FRG1: variants seen among roughly 807,000 people sequenced by gnomAD.
FRG1 encodes the protein FSHD region gene 1, also known as protein FRG1.
Under a neutral mutation model 37.0 loss-of-function variants are expected in FRG1, and 19 were observed. The observed-to-expected ratio is 0.51, with a 90% CI of 0.36 to 0.75. FRG1 has a LOEUF of 0.75. FRG1 is among the 30% of genes least tolerant of loss of function. The pLI is 0.00. For synonymous variants in FRG1, 73 were observed against 96.5 expected (o/e 0.76, Z 1.43); for missense variants, 243 against 301.4 (o/e 0.81, Z 1.44).
chr4:189,945,541 A>T (rs1736492036), intron 2 of FRG1, among the ~76,000 whole-genome samples: 1 of 152,126 alleles, frequency 6.6e-6, no homozygotes, highest in Non-Finnish European at 1.5e-5. Flanking sequence ...AGTGGATTAT[A>T]TTGGTTTCAT....
intron 2 of FRG1, among the ~76,000 whole-genome samples, chr4:189,948,412 A>G: frequency 6.6e-6 from 1 of 152,198 alleles, no homozygotes; most frequent in Non-Finnish European, 1.5e-5. Context: ...TATTTTATTT[A>G]CCCAGGAACT....
rs777890975 is a variant in FRG1, at chr4:189,943,225, A to C, written c.86A>C (p.Lys29Thr). The C allele has an allele frequency of 4.4e-6, 7 of 1,605,210 alleles. No homozygotes were observed. The highest frequency in any genetic ancestry group is 6.0e-6 in the Non-Finnish European group (7 of 1,174,252). Residue 29 changes from lysine to threonine, a missense_variant, in exon 2 of 9, where the codon AAG becomes ACG. Physicochemically the swap from Lys to Thr is moderately conservative, Grantham distance 78. Transcript: ENST00000226798. ...AGTAAGAAGAAAAAGAGCAAAGATA[A>C]GAAAAGAAAAAGAGAAGAAGATGAA... is the stretch of plus-strand genomic sequence containing the variant. ...TKSKKKKSKD[K>T]KRKREEDEET...
intron 8 of FRG1, among the ~76,000 whole-genome samples, chr4:189,962,747 C>T (rs1330094682): frequency 2.4e-4 from 36 of 152,258 alleles, no homozygotes; most frequent in Middle Eastern, 3.4e-3. Flanking sequence ...GACTCTAAAA[C>T]GGAATAAGCT....
At chr4:189,962,280 TTAAAA>T (rs1737269558) in intron 8 of FRG1, among the ~76,000 whole-genome samples, 1 of 152,164 alleles carries the variant, frequency 6.6e-6, no homozygotes, top group African/African-American at 2.4e-5. Flanking sequence ...TTCAGGTTCC[TTAAAA>T]TAAGAATAGA....
At chr4:189,953,883 A>G (rs547177546) in intron 4 of FRG1, among the ~76,000 whole-genome samples, 4,487 of 152,280 alleles carry the variant, frequency 0.029, 78 homozygotes, top group Middle Eastern at 0.048. Context: ...AAACTGCTTT[A>G]CAATTATAAA....
rs1425095389 is a variant in FRG1, at chr4:189,940,881, A to G, written c.-129A>G. 1.5e-6 allele frequency: 1 copy of G among 657,168 alleles called. No individual in the cohort carries two copies. Among genetic ancestry groups the G allele is most frequent in the Non-Finnish European group, 2.7e-6 (1 of 373,400 alleles). 40.7% of individuals were successfully genotyped at this position (657,168 alleles called of 1,614,324 possible). ...GGGTGAAGACGGAGGCGGGTTCTAC[A>G]GAGACGTAGGCTGTCAGGGAGTGTT... On this transcript the variant is annotated 5_prime_UTR_variant, in exon 1 of 9. Coordinates refer to ENST00000226798, the MANE Select transcript of FRG1 (RefSeq NM_004477.3).
rs1736391610 is a variant in FRG1, at chr4:189,943,201, G to T, written c.63-1G>T. The T allele has an allele frequency of 1.3e-6, 2 of 1,585,910 alleles. No individual in the cohort carries two copies. The highest frequency in any genetic ancestry group is 1.4e-5 in the African/African-American group (1 of 74,008). On this transcript the variant is annotated splice_acceptor_variant, in intron 1 of 8. Transcript: ENST00000226798. LOFTEE classifies it high-confidence loss of function. ...TCGTCTATATAAATTATGTCCTGTA[G>T]TAAGAAGAAAAAGAGCAAAGATAAG...
rs569125428 is a variant in FRG1 at position 189,944,612 on chromosome 4, A to C, written c.133+1340A>C. 1.7e-4 allele frequency among the ~76,000 whole-genome samples: 24 copies of C among 137,582 alleles called. No homozygotes were observed. The South Asian group carries it at 4.0e-3, about 23-fold the overall frequency. The allele number at this position is 137,582 out of a possible 152,430, so 90.3% of individuals were successfully genotyped here. A position where few individuals can be genotyped will look rare whatever the true frequency, so the allele number is the denominator to read the frequency against. On this transcript the variant is annotated intron_variant, in intron 2 of 8. Transcript: ENST00000226798. Reference sequence around the variant, plus strand: ...TGTTGTGAGTTCGGTTTCAAGATTTACTTTTTTTTTTTAAACATCTTGATA... The same window carrying C: ...TGTTGTGAGTTCGGTTTCAAGATTTCCTTTTTTTTTTTAAACATCTTGATA...
At chr4:189,959,990 G>A in intron 6 of FRG1, 1 of 679,292 alleles carries the variant, frequency 1.5e-6, no homozygotes, top group Non-Finnish European at 1.8e-6. Flanking sequence ...CTTACTAAAG[G>A]TAGCCTTGTG....
At chr4:189,954,943 G>A (rs1029045520) in intron 4 of FRG1, 94 bp from the exon 5 acceptor site, 1 of 725,514 alleles carries the variant, frequency 1.4e-6, no homozygotes, top group Non-Finnish European at 2.4e-6. Context: ...TTTTAGATAT[G>A]TACACAGCCA....
intron 2 of FRG1, among the ~76,000 whole-genome samples, chr4:189,949,154 G>T (rs1162289934): frequency 1.3e-5 from 2 of 152,134 alleles, no homozygotes; most frequent in East Asian, 3.9e-4. Flanking sequence ...TTCAGCTTGG[G>T]CATCTGCACC....
intron 2 of FRG1, 37 bp from the exon 3 acceptor site, chr4:189,952,125 T>G: frequency 6.1e-6 from 9 of 1,470,392 alleles, no homozygotes; most frequent in Non-Finnish European, 8.3e-6. Context: ...GTGTCAAAAC[T>G]AAAATATAAA....
intron 4 of FRG1, 111 bp downstream of exon 4, chr4:189,953,236 A>T: frequency 7.2e-7 from 1 of 1,386,790 alleles, no homozygotes; most frequent in South Asian, 1.8e-5. Flanking sequence ...TGATGTAAAA[A>T]ACAAAATAGC....
chr4:189,961,156 C>T (rs1333420398), intron 7 of FRG1: 2 of 200,148 alleles, frequency 1.0e-5, no homozygotes, highest in Non-Finnish European at 1.0e-5. Flanking sequence ...CTTGAGGCTT[C>T]AGTTTTCCTA....
chr4:189,949,083 G>A (rs1736649090), intron 2 of FRG1, among the ~76,000 whole-genome samples: 1 of 152,168 alleles, frequency 6.6e-6, no homozygotes, highest in South Asian at 2.1e-4. Flanking sequence ...AGGTTTAAAA[G>A]GAAATAACTT....
At chr4:189,943,758 C>G (rs944791757) in intron 2 of FRG1, among the ~76,000 whole-genome samples, 1 of 152,202 alleles carries the variant, frequency 6.6e-6, no homozygotes, top group African/African-American at 2.4e-5. Flanking sequence ...CCTAAACACA[C>G]TTAACCAGCC....
At chr4:189,959,976 C>A in intron 6 of FRG1, 1 of 758,532 alleles carries the variant, frequency 1.3e-6, no homozygotes, top group Non-Finnish European at 1.6e-6. Flanking sequence ...GAACACAGAT[C>A]CCTCTTACTA....
Position 189,948,310 on chromosome 4 carries a change from A to C in FRG1, c.134-3852A>C, listed in dbSNP as rs1283412007. 3.3e-5 allele frequency among the ~76,000 whole-genome samples: 5 copies of C among 152,254 alleles called. No homozygotes were observed. The East Asian group carries it at 7.7e-4, about 23-fold the overall frequency. The stretch of plus-strand genomic sequence containing the variant: ...AGAAAACCAAGTGTGACATTAATAA[A>C]AACGAGCATGTCTGTAGGCAAAGAG... On this transcript the variant is annotated intron_variant, in intron 2 of 8. Transcript: ENST00000226798.
chr4:189,962,064 T>C, intron 8 of FRG1, 132 bp downstream of exon 8: 1 of 640,930 alleles, frequency 1.6e-6, no homozygotes, highest in African/African-American at 1.9e-5. Context: ...AGTGTGGCAA[T>C]ATTACCTAAA....
Sources: gnomAD v4.1 joint callset for allele counts (sites outside exome capture counted in the v4.1 genomes callset) on GRCh38, gnomAD v4.1.1 for gene constraint, MANE v1.5 for transcripts, NCBI Gene and HGNC (gene_info 2026-07-23, HGNC 2026-07-21) for gene names.